AGBL4: variants seen among roughly 807,000 people sequenced by gnomAD.
The protein encoded by AGBL4 is AGBL carboxypeptidase 4.
AGBL4 carries 58 observed loss-of-function variants against 66.4 expected under a neutral mutation model. The observed-to-expected ratio is 0.87, with a 90% confidence interval of 0.71 to 1.09. The LOEUF (loss-of-function observed/expected upper bound fraction) is 1.09. Ranked by LOEUF, AGBL4 falls within the 50% of genes least tolerant of loss-of-function variation. The pLI, the probability that AGBL4 is intolerant of heterozygous loss-of-function variation, is 0.00. For missense variants in AGBL4, 579 were observed against 631.0 expected, an observed-to-expected ratio of 0.92 and a Z score of 0.88; for synonymous variants, 234 against 222.9, an observed-to-expected ratio of 1.05 and a Z score of -0.44.
At chr1:49,515,901 G>T (rs1359320713) in intron 3 of AGBL4, among the ~76,000 whole-genome samples, 1 of 116,876 alleles carries the variant, frequency 8.6e-6, no homozygotes, top group South Asian at 3.5e-4. Context: ...GGTGGGGGGA[G>T]GGGGGAGGGA....
At chr1:49,075,969 G>T (rs1177249317) in intron 4 of AGBL4, among the ~76,000 whole-genome samples, 1 of 152,160 alleles carries the variant, frequency 6.6e-6, no homozygotes, top group Non-Finnish European at 1.5e-5. Context: ...TCTAGATAGG[G>T]TGATGATTAT....
chr1:49,464,332 C>A (rs1338701718), intron 3 of AGBL4, among the ~76,000 whole-genome samples: 1 of 151,700 alleles, frequency 6.6e-6, no homozygotes, highest in Non-Finnish European at 1.5e-5. Flanking sequence ...GGGAGGCTTG[C>A]CCAATGTTAC....
intron 4 of AGBL4, among the ~76,000 whole-genome samples, chr1:49,115,137 G>T (rs561359887): frequency 6.6e-6 from 1 of 152,290 alleles, no homozygotes; most frequent in South Asian, 2.1e-4. Flanking sequence ...AGGTATATCT[G>T]TAGTTGGTTT....
intron 2 of AGBL4, among the ~76,000 whole-genome samples, chr1:49,730,146 G>A (rs896228682): frequency 6.6e-6 from 1 of 152,062 alleles, no homozygotes; most frequent in East Asian, 1.9e-4. Context: ...CTCACACAGT[G>A]GGCTACCCAC....
At chr1:49,950,043 C>A (rs12728323) in intron 1 of AGBL4, among the ~76,000 whole-genome samples, 1 of 139,790 alleles carries the variant, frequency 7.2e-6, no homozygotes, top group African/African-American at 2.6e-5. Flanking sequence ...TATATATATA[C>A]ACATATGTGT....
chr1:48,752,370 T>G (rs1651879749), intron 6 of AGBL4, among the ~76,000 whole-genome samples: 1 of 152,118 alleles, frequency 6.6e-6, no homozygotes, highest in Non-Finnish European at 1.5e-5. Flanking sequence ...ATGGGGTGGT[T>G]GAGAGCTAGA....
chr1:49,990,611 C>A (rs1308756056), intron 1 of AGBL4, among the ~76,000 whole-genome samples: 2 of 152,092 alleles, frequency 1.3e-5, no homozygotes, highest in African/African-American at 4.8e-5. Context: ...ATTTTATTTT[C>A]TTTTAGCTAC....
rs573634448 is a variant in AGBL4 at position 48,574,551 on chromosome 1, T to G, written c.1267+12453A>C. ...TCTTTTCTTTTCTTTTTTTTTTTTT[T>G]GAACTGACATCCAAGCATCCTTTAC... On this transcript the variant is annotated intron_variant, in intron 11 of 13. Transcript: ENST00000371839. Among the ~76,000 whole-genome samples, 537 of 150,600 alleles carry G rather than the reference T, an allele frequency of 3.6e-3. 3 individuals are homozygous for G. Among genetic ancestry groups the G allele is most frequent in the South Asian group, 0.01 (48 of 4,748 alleles).
intron 3 of AGBL4, among the ~76,000 whole-genome samples, chr1:49,615,759 A>C (rs1238830331): frequency 6.6e-6 from 1 of 152,124 alleles, no homozygotes; most frequent in Non-Finnish European, 1.5e-5. Context: ...AGATTATTTA[A>C]ATTATTTAGA....
At chr1:49,019,248 T>C (rs899188056) in intron 5 of AGBL4, among the ~76,000 whole-genome samples, 1 of 152,144 alleles carries the variant, frequency 6.6e-6, no homozygotes, top group African/African-American at 2.4e-5. Flanking sequence ...GAAAATTCTG[T>C]CCTGAAGAGA....
chr1:49,731,697 C>A (rs892782472), intron 2 of AGBL4, among the ~76,000 whole-genome samples: 1 of 151,834 alleles, frequency 6.6e-6, no homozygotes, highest in Non-Finnish European at 1.5e-5. Flanking sequence ...ATATATGTAC[C>A]TTTTCATAAA....
chr1:48,643,647 C>T (rs975335374), intron 8 of AGBL4, among the ~76,000 whole-genome samples: 1 of 152,226 alleles, frequency 6.6e-6, no homozygotes, highest in Non-Finnish European at 1.5e-5. Context: ...GGGAGGAACT[C>T]CCCATTGCTT....
intron 4 of AGBL4, among the ~76,000 whole-genome samples, chr1:49,056,626 G>A (rs1557602773): frequency 6.6e-6 from 1 of 152,092 alleles, no homozygotes; most frequent in Non-Finnish European, 1.5e-5. Flanking sequence ...TTAGAAAGTG[G>A]GGGAGGGTAC....
intron 2 of AGBL4, chr1:49,842,114 T>C: frequency 2.8e-6 from 1 of 352,138 alleles, no homozygotes; most frequent in Admixed American, 4.0e-5. Context: ...CGCGCCAAGC[T>C]CCCCAACCAC....
chr1:49,491,498 A>G (rs1041338312), intron 3 of AGBL4, among the ~76,000 whole-genome samples: 1 of 151,902 alleles, frequency 6.6e-6, no homozygotes, highest in African/African-American at 2.4e-5. Flanking sequence ...GCCACATTTG[A>G]CCTTAGTTCT....
chr1:49,017,479 C>T (rs2813733), intron 5 of AGBL4, among the ~76,000 whole-genome samples: 150,677 of 152,300 alleles, frequency 0.99, 74,553 homozygotes, highest in East Asian at 1. Context: ...GGCATAATAT[C>T]ATCTAATGGA....
chr1:48,994,135 CT>C (rs955616523), intron 5 of AGBL4, among the ~76,000 whole-genome samples: 1 of 151,680 alleles, frequency 6.6e-6, no homozygotes, highest in African/African-American at 2.4e-5. Flanking sequence ...TTTTCTACTT[CT>C]TTCCCACCTG....
intron 3 of AGBL4, among the ~76,000 whole-genome samples, chr1:49,283,827 T>C (rs2148410268): frequency 6.9e-6 from 1 of 145,418 alleles, no homozygotes; most frequent in South Asian, 2.3e-4. Context: ...GAAAAAAGAA[T>C]AAAAAGAAAT....
intron 2 of AGBL4, among the ~76,000 whole-genome samples, chr1:49,741,445 G>A (rs1650460488): frequency 6.6e-6 from 1 of 152,164 alleles, no homozygotes; most frequent in Non-Finnish European, 1.5e-5. Context: ...ACAGCAAATG[G>A]ATTCACAGCT....
Sources: allele counts gnomAD v4.1 joint callset (sites outside exome capture counted in the v4.1 genomes callset), GRCh38; gene constraint gnomAD v4.1.1; transcripts MANE v1.5; gene names NCBI Gene and HGNC (gene_info 2026-07-23, HGNC 2026-07-21).